PBX1: variants seen among roughly 807,000 people sequenced by gnomAD.
PBX1 encodes the protein PBX homeobox 1.
A neutral mutation model predicts 53.4 loss-of-function variants in PBX1; 6 were observed. That is an observed-to-expected ratio of 0.11 (90% CI 0.06 to 0.22). PBX1 has a LOEUF of 0.22. Among genes scored for constraint, PBX1 ranks in the 10% least tolerant of loss-of-function variants. The pLI is 1.00. For synonymous variants in PBX1, 204 were observed against 212.3 expected (o/e 0.96, Z 0.34); for missense variants, 251 against 551.4 (o/e 0.46, Z 5.46).
intron 2 of PBX1, among the ~76,000 whole-genome samples, chr1:164,752,118 G>T (rs1163858542): frequency 6.6e-6 from 1 of 151,796 alleles, no homozygotes; most frequent in Non-Finnish European, 1.5e-5. Context: ...CCTTTCAAAT[G>T]CCAAGGGAGA....
intron 2 of PBX1, among the ~76,000 whole-genome samples, chr1:164,873,883 G>T (rs1023506927): frequency 8.6e-5 from 13 of 151,198 alleles, no homozygotes; most frequent in African/African-American, 3.2e-4. Flanking sequence ...TACAATAACA[G>T]CTTAAAAAAA....
chr1:164,705,135 C>G lies in PBX1; in HGVS notation c.266-87359C>G, dbSNP rs530712412. 1.3e-4 allele frequency among the ~76,000 whole-genome samples: 20 copies of G among 152,282 alleles called. No individual in the cohort carries two copies. The South Asian group carries it at 2.3e-3, about 17-fold the overall frequency. ...GTACCGTAAGCTGTTTAGCTGCATT[C>G]CTGGCTTCCACCCATAGATGCCAGC... On this transcript the variant is annotated intron_variant, in intron 2 of 8. Coordinates refer to ENST00000420696, the MANE Select transcript of PBX1 (RefSeq NM_002585.4).
At chr1:164,799,964 C>G (rs563104641) in intron 4 of PBX1, 75 bp downstream of exon 4, 34 of 1,370,556 alleles carry the variant, frequency 2.5e-5, no homozygotes, top group Middle Eastern at 5.2e-4. Flanking sequence ...GCCGCTGCCC[C>G]CTTCAGGCTC....
chr1:164,750,328 C>T (rs1666133517), intron 2 of PBX1, among the ~76,000 whole-genome samples: 1 of 152,038 alleles, frequency 6.6e-6, no homozygotes, highest in Non-Finnish European at 1.5e-5. Context: ...TAAAAATATA[C>T]AGATAAACTA....
chr1:164,651,718 C>T (rs903956732), intron 2 of PBX1, among the ~76,000 whole-genome samples: 34 of 152,160 alleles, frequency 2.2e-4, no homozygotes, highest in African/African-American at 7.5e-4. Context: ...TTTCCTCCTG[C>T]GACCAAATCC....
chr1:164,653,217 G>A (rs543138362), intron 2 of PBX1, among the ~76,000 whole-genome samples: 6 of 152,098 alleles, frequency 3.9e-5, no homozygotes, highest in Admixed American at 2.0e-4. Context: ...TTTTGTACCC[G>A]GCTTTTACTT....
intron 2 of PBX1, among the ~76,000 whole-genome samples, chr1:164,678,840 T>TC (rs376500349): frequency 1.3e-5 from 2 of 152,074 alleles, no homozygotes; most frequent in African/African-American, 2.4e-5. Context: ...TTTTTTTTTT[T>TC]CTCTTAGGGC....
intron 2 of PBX1, among the ~76,000 whole-genome samples, chr1:164,649,017 A>C (rs1406518759): frequency 6.6e-6 from 1 of 152,144 alleles, no homozygotes; most frequent in East Asian, 1.9e-4. Flanking sequence ...CTTTCATTCC[A>C]AGATGACACA....
chr1:164,761,160 T>C (rs1666791787), intron 2 of PBX1, among the ~76,000 whole-genome samples: 1 of 152,212 alleles, frequency 6.6e-6, no homozygotes, highest in African/African-American at 2.4e-5. Flanking sequence ...CACATCACAC[T>C]ACTTAGGGAC....
At chr1:164,789,053 G>A (rs1463801451) in intron 2 of PBX1, among the ~76,000 whole-genome samples, 1 of 152,142 alleles carries the variant, frequency 6.6e-6, no homozygotes, top group African/African-American at 2.4e-5. Flanking sequence ...CCAATTAAAT[G>A]TATCCTTCAT....
intron 2 of PBX1, among the ~76,000 whole-genome samples, chr1:164,600,113 A>G (rs1003934113): frequency 4.0e-5 from 6 of 149,848 alleles, no homozygotes; most frequent in African/African-American, 1.5e-4. Context: ...TGGTCTTACA[A>G]TTGTGAGTAT....
At chr1:164,787,956 T>A (rs1307656766) in intron 2 of PBX1, among the ~76,000 whole-genome samples, 1 of 152,186 alleles carries the variant, frequency 6.6e-6, no homozygotes, top group Non-Finnish European at 1.5e-5. Flanking sequence ...CAATGACATT[T>A]TTCGGGTAGT....
intron 2 of PBX1, among the ~76,000 whole-genome samples, chr1:164,570,245 C>T (rs1277220621): frequency 6.6e-6 from 1 of 152,034 alleles, no homozygotes; most frequent in Non-Finnish European, 1.5e-5. Context: ...TTCTGGAACA[C>T]GTGTGTGGAA....
chr1:164,620,784 G>A (rs1030951480), intron 2 of PBX1, among the ~76,000 whole-genome samples: 1 of 151,906 alleles, frequency 6.6e-6, no homozygotes, highest in Non-Finnish European at 1.5e-5. Context: ...CCGGGCTTAA[G>A]CGATTTTCCT....
At chr1:164,811,923 T>G in intron 5 of PBX1, 67 bp from the exon 6 acceptor site, 1 of 1,421,586 alleles carries the variant, frequency 7.0e-7, no homozygotes, top group Non-Finnish European at 9.6e-7. Flanking sequence ...TAAAGCCTTT[T>G]TTTTCTTCTG....
Position 164,792,547 on chromosome 1 carries a change from C to A in PBX1, c.319C>A (p.Arg107=). 1 of 1,614,112 alleles carries A rather than the reference C, an allele frequency of 6.2e-7. No individual in the cohort carries two copies. Among genetic ancestry groups the A allele is most frequent in the Non-Finnish European group, 8.5e-7 (1 of 1,180,010 alleles). Residue 107 remains arginine (R), a synonymous_variant, in exon 3 of 9, where the codon CGG becomes AGG. Coordinates refer to ENST00000420696, the MANE Select transcript of PBX1 (RefSeq NM_002585.4). ...GGAACCCACAGACCCCCAGCTGATG[C>A]GGCTGGACAACATGCTGTTAGCGGA... is the stretch of plus-strand genomic sequence containing the variant. The part of the protein sequence containing the change: ...EEEPTDPQLM[R]LDNMLLAEGV...
intron 2 of PBX1, among the ~76,000 whole-genome samples, chr1:164,595,281 C>A (rs1655676716): frequency 6.6e-6 from 1 of 152,182 alleles, no homozygotes; most frequent in Admixed American, 6.5e-5. Context: ...GGGCATGATT[C>A]TCCCTAAAAA....
At position 164,560,895 on chromosome 1, in the gene PBX1, A is replaced by G. The variant is rs146981633; in HGVS notation, c.191+882A>G. ...ATGAAAGCATTTATGAATTTTATAT[A>G]TTTCAGTACTATAGGACATGAAGGT... On this transcript the variant is annotated intron_variant, in intron 1 of 8. Coordinates refer to ENST00000420696, the MANE Select transcript of PBX1 (RefSeq NM_002585.4). 9.1e-3 allele frequency among the ~76,000 whole-genome samples: 1,381 copies of G among 152,274 alleles called. 22 individuals carry two copies. Among genetic ancestry groups the G allele is most frequent in the African/African-American group, 0.032 (1,323 of 41,562 alleles).
chr1:164,748,655 A>G (rs891058352), intron 2 of PBX1, among the ~76,000 whole-genome samples: 2 of 152,206 alleles, frequency 1.3e-5, no homozygotes, highest in Non-Finnish European at 2.9e-5. Context: ...TACACATTGC[A>G]GTTTGGCTGA....
Sources: allele counts gnomAD v4.1 joint callset (sites outside exome capture counted in the v4.1 genomes callset), GRCh38; gene constraint gnomAD v4.1.1; transcripts MANE v1.5; gene names NCBI Gene and HGNC (gene_info 2026-07-23, HGNC 2026-07-21).